The following KCNIP4 variants were observed in gnomAD, a reference collection of about 807,000 sequenced individuals.
KCNIP4 encodes the protein Kv channel-interacting protein 4.
In KCNIP4, 12 loss-of-function variants were observed where a neutral mutation model predicts 34.0. The ratio of observed to expected loss-of-function variants is 0.35; its 90% CI spans 0.23 to 0.57. The LOEUF is 0.57. Among genes scored for constraint, KCNIP4 ranks in the 20% least tolerant of loss-of-function variants. KCNIP4 has a pLI of 0.83. For synonymous variants in KCNIP4, 124 were observed against 102.2 expected (o/e 1.21, Z -1.29); for missense variants, 238 against 311.7 (o/e 0.76, Z 1.78).
At chr4:20,966,126 G>A (rs1014361294) in intron 1 of KCNIP4, among the ~76,000 whole-genome samples, 1 of 152,178 alleles carries the variant, frequency 6.6e-6, no homozygotes, top group Admixed American at 6.6e-5. Flanking sequence ...TGAATATTGG[G>A]AAGATAGATG....
intron 1 of KCNIP4, among the ~76,000 whole-genome samples, chr4:21,472,444 T>TG (rs966620826): frequency 2.6e-5 from 4 of 152,014 alleles, no homozygotes; most frequent in East Asian, 1.9e-4. Context: ...AATGTGTGTG[T>TG]GGGGGGGTTA....
In KCNIP4 at chr4:21,948,727, C is replaced by T. The variant is rs1406562812; in HGVS notation, c.-96G>A. ...CACGGGAGCGCACCGCCGCTCGGCC[C>T]GGGGGCGTCCGTGGCGCTGGGAGCG... On this transcript the variant is annotated 5_prime_UTR_variant, in exon 1 of 9. Coordinates refer to ENST00000382152, the MANE Select transcript of KCNIP4 (RefSeq NM_025221.6). 2.3e-6 allele frequency: 3 copies of T among 1,295,090 alleles called. No individual in the cohort carries two copies. Among genetic ancestry groups the T allele is most frequent in the Non-Finnish European group, 2.0e-6 (2 of 1,005,520 alleles). The allele number at this position is 1,295,090 out of a possible 1,614,324, so 80.2% of individuals were successfully genotyped here.
intron 1 of KCNIP4, among the ~76,000 whole-genome samples, chr4:20,895,612 G>A (rs1245686147): frequency 1.3e-5 from 2 of 152,124 alleles, no homozygotes; most frequent in East Asian, 1.9e-4. Flanking sequence ...TTTTAACAAT[G>A]TATTTATATT....
chr4:21,016,140 CCATATGAATTGA>C (rs1739522134), intron 1 of KCNIP4, among the ~76,000 whole-genome samples: 3 of 150,866 alleles, frequency 2.0e-5, no homozygotes, highest in Non-Finnish European at 2.9e-5. Flanking sequence ...TACACCCTGT[CCATATGAATTGA>C]CAGCTGACTG....
intron 1 of KCNIP4, among the ~76,000 whole-genome samples, chr4:21,290,488 C>T (rs1218638784): frequency 6.6e-6 from 1 of 152,134 alleles, no homozygotes; most frequent in Non-Finnish European, 1.5e-5. Context: ...ATACCAACCT[C>T]CCGTGTGTAT....
rs947719369 is a variant in KCNIP4, at chr4:21,658,118, G to T, written c.61+290453C>A. 3.3e-5 allele frequency among the ~76,000 whole-genome samples: 5 copies of T among 152,070 alleles called. No homozygotes were observed. In the East Asian group the frequency reaches 9.7e-4, roughly 29 times the overall value. The stretch of plus-strand genomic sequence containing the variant: ...CTCCCAAAGTGCTGCGATTATAGGC[G>T]TGAGCCACCGCTCCCAGCCTAAATG... On this transcript the variant is annotated intron_variant, in intron 1 of 8. Transcript: ENST00000382152.
At chr4:20,882,315 T>A (rs1409903871) in intron 2 of KCNIP4, among the ~76,000 whole-genome samples, 1 of 152,076 alleles carries the variant, frequency 6.6e-6, no homozygotes, top group Non-Finnish European at 1.5e-5. Flanking sequence ...AGGCAAGCAA[T>A]AGGAATTCCT....
chr4:21,183,237 T>C lies in KCNIP4; in HGVS notation c.62-300528A>G, dbSNP rs566097814. Among the ~76,000 whole-genome samples the C allele has an allele frequency of 2.0e-5, 3 of 152,252 alleles. No individual in the cohort carries two copies. The East Asian group carries it at 5.8e-4, about 29-fold the overall frequency. On this transcript the variant is annotated intron_variant, in intron 1 of 8. Transcript: ENST00000382152. The stretch of plus-strand genomic sequence containing the variant: ...ATTCTATTGTGTATATGTACCACAT[T>C]TTATTTATCCATTCATCTGTCAATT...
At chr4:21,026,368 G>A (rs1057037792) in intron 1 of KCNIP4, among the ~76,000 whole-genome samples, 3 of 152,080 alleles carry the variant, frequency 2.0e-5, no homozygotes, top group African/African-American at 7.2e-5. Context: ...TCCATGGGAT[G>A]TCCTGCTGCT....
intron 1 of KCNIP4, among the ~76,000 whole-genome samples, chr4:21,905,476 A>G (rs1023658352): frequency 7.2e-5 from 11 of 152,142 alleles, no homozygotes; most frequent in Admixed American, 6.6e-4. Flanking sequence ...ACATATGTAT[A>G]CATGTGCCAT....
intron 1 of KCNIP4, among the ~76,000 whole-genome samples, chr4:21,452,540 C>A (rs147143882): frequency 1.7e-3 from 251 of 152,116 alleles, no homozygotes; most frequent in Non-Finnish European, 2.9e-3. Flanking sequence ...CCTCATAGGG[C>A]AGTTTTGACA....
intron 2 of KCNIP4, among the ~76,000 whole-genome samples, chr4:20,852,400 GAA>G (rs1721132009): frequency 1.3e-5 from 2 of 152,112 alleles, no homozygotes; most frequent in African/African-American, 2.4e-5. Flanking sequence ...AGTAGATGCT[GAA>G]AACCATTCAA....
intron 1 of KCNIP4, among the ~76,000 whole-genome samples, chr4:21,755,667 G>A (rs562442994): frequency 1.3e-5 from 2 of 152,182 alleles, no homozygotes; most frequent in Admixed American, 1.3e-4. Flanking sequence ...TCCCAAGCAT[G>A]GATAGAGAAG....
rs114242171 is a variant in KCNIP4 at position 21,391,906 on chromosome 4, G to A, written c.62-509197C>T. Among the ~76,000 whole-genome samples, 696 of 152,234 alleles carry A rather than the reference G, an allele frequency of 4.6e-3. 7 individuals are homozygous for A. The highest frequency in any genetic ancestry group is 0.015 in the African/African-American group (641 of 41,532). ...GGAGGCATAATAGTGGACATAGTCC[G>A]GTCCCTGACACTAGGAAGCTGAAAG... On this transcript the variant is annotated intron_variant, in intron 1 of 8. Coordinates refer to ENST00000382152, the MANE Select transcript of KCNIP4 (RefSeq NM_025221.6).
intron 6 of KCNIP4, among the ~76,000 whole-genome samples, chr4:20,733,195 A>G (rs901150232): frequency 2.0e-5 from 3 of 152,162 alleles, no homozygotes; most frequent in East Asian, 3.9e-4. Context: ...TTGAGAAAAA[A>G]CACCATTTAG....
intron 1 of KCNIP4, among the ~76,000 whole-genome samples, chr4:21,586,675 C>T (rs358830): frequency 0.88 from 133,190 of 152,124 alleles, 58,616 homozygotes; most frequent in East Asian, 0.99. Context: ...ACTGATAGGA[C>T]GGAGCCTGAT....
At chr4:21,439,923 T>A (rs969514615) in intron 1 of KCNIP4, among the ~76,000 whole-genome samples, 3 of 152,228 alleles carry the variant, frequency 2.0e-5, no homozygotes, top group Non-Finnish European at 4.4e-5. Context: ...TATCTATTCA[T>A]AGTCCATCTA....
In KCNIP4 at chr4:21,205,466, C is replaced by T. The variant is rs190723960; in HGVS notation, c.62-322757G>A. ...CATACATGATCCCATTTATCTTTCA[C>T]AACTGTGTAAGCCAGGCACTGTGAC... On this transcript the variant is annotated intron_variant, in intron 1 of 8. Coordinates refer to ENST00000382152, the MANE Select transcript of KCNIP4 (RefSeq NM_025221.6). Among the ~76,000 whole-genome samples the T allele has an allele frequency of 1.2e-4, 19 of 152,276 alleles. No individual in the cohort carries two copies. In the East Asian group the frequency reaches 3.1e-3, roughly 25 times the overall value.
intron 2 of KCNIP4, among the ~76,000 whole-genome samples, chr4:20,857,360 T>G (rs796236906): frequency 6.6e-6 from 1 of 152,112 alleles, no homozygotes; most frequent in Non-Finnish European, 1.5e-5. Context: ...TTTTGGGTGG[T>G]TTTAACCCAG....
Sources: gnomAD v4.1 joint callset for allele counts (sites outside exome capture counted in the v4.1 genomes callset) on GRCh38, gnomAD v4.1.1 for gene constraint, MANE v1.5 for transcripts, NCBI Gene and HGNC (gene_info 2026-07-23, HGNC 2026-07-21) for gene names.